GALNT2: variants seen among roughly 807,000 people sequenced by gnomAD.
The protein encoded by GALNT2 is UDP-GalNAc:polypeptide N-acetylgalactosaminyltransferase 2.
A neutral mutation model predicts 81.4 loss-of-function variants in GALNT2; 31 were observed. That is an observed-to-expected ratio of 0.38 (90% CI 0.29 to 0.51). The LOEUF (loss-of-function observed/expected upper bound fraction) is 0.51, where lower values mean the gene tolerates loss of function less well. Among genes scored for constraint, GALNT2 ranks in the 20% least tolerant of loss-of-function variants. The probability of loss-of-function intolerance (pLI) is 0.87; values close to 1 mark genes in which losing one functional copy is unlikely to be tolerated. For synonymous variants in GALNT2, 303 were observed against 287.4 expected, an observed-to-expected ratio of 1.05 and a Z score of -0.55; for missense variants, 629 against 765.7, an observed-to-expected ratio of 0.82 and a Z score of 2.11.
At chr1:230,083,208 GC>G (rs1659795185) in intron 1 of GALNT2, among the ~76,000 whole-genome samples, 1 of 147,850 alleles carries the variant, frequency 6.8e-6, no homozygotes, top group African/African-American at 2.5e-5. Context: ...GGATGATGGA[GC>G]GGGGGGGCCA....
intron 3 of GALNT2, among the ~76,000 whole-genome samples, chr1:230,222,300 A>C (rs1313266153): frequency 2.0e-5 from 3 of 151,756 alleles, no homozygotes; most frequent in Non-Finnish European, 4.4e-5. Flanking sequence ...TTTCTCTTTA[A>C]TGCATTCATG....
At chr1:230,164,591 T>C (rs1016590446) in intron 1 of GALNT2, among the ~76,000 whole-genome samples, 1 of 151,504 alleles carries the variant, frequency 6.6e-6, no homozygotes, top group Non-Finnish European at 1.5e-5. Context: ...TGGAGTCCAG[T>C]GGTGCGATCT....
chr1:230,188,920 A>C (rs1252933376), intron 2 of GALNT2, among the ~76,000 whole-genome samples: 1 of 152,106 alleles, frequency 6.6e-6, no homozygotes, highest in Non-Finnish European at 1.5e-5. Context: ...TTCTCCCTGT[A>C]ATTGTCTCTG....
intron 3 of GALNT2, among the ~76,000 whole-genome samples, chr1:230,232,970 A>C (rs190589767): frequency 1.1e-3 from 175 of 152,298 alleles, no homozygotes; most frequent in African/African-American, 4.0e-3. Context: ...AACTATAATA[A>C]AAGAAGCCCA....
rs1156759843 is a variant in GALNT2, at chr1:230,281,598, CT to C, written c.*2141del. 6.6e-6 allele frequency: 1 copy of C among 152,660 alleles called. No individual in the cohort carries two copies. The highest frequency in any genetic ancestry group is 2.4e-5 in the African/African-American group (1 of 41,472). The allele number at this position is 152,660 out of a possible 1,614,324, so 9.5% of individuals were successfully genotyped here. On this transcript the variant is annotated 3_prime_UTR_variant, in exon 16 of 16. Coordinates refer to ENST00000366672, the MANE Select transcript of GALNT2 (RefSeq NM_004481.5). Reference sequence around the variant, plus strand: ...CTTCACCTTTACCCCGCCCGCACCCCTAGGCCCTCTCAGCCTTCCTATCATC... The same window carrying C: ...CTTCACCTTTACCCCGCCCGCACCCCAGGCCCTCTCAGCCTTCCTATCATC...
Position 230,077,698 on chromosome 1 carries a change from A to G in GALNT2, c.126+10292A>G, listed in dbSNP as rs770217483. Among the ~76,000 whole-genome samples, 47 of 152,300 alleles carry G rather than the reference A, an allele frequency of 3.1e-4. 1 individual carries two copies. The highest frequency in any genetic ancestry group is 3.4e-3 in the Middle Eastern group (1 of 294). Reference sequence around the variant, plus strand: ...TCAGATGTTAGTGCCTATTTTCTTCAAACAGAGTCATCCACTGTGCCACCA... The same window carrying G: ...TCAGATGTTAGTGCCTATTTTCTTCGAACAGAGTCATCCACTGTGCCACCA... On this transcript the variant is annotated intron_variant, in intron 1 of 15. Coordinates refer to ENST00000366672, the MANE Select transcript of GALNT2 (RefSeq NM_004481.5).
chr1:230,092,320 A>T (rs1660117643), intron 1 of GALNT2, among the ~76,000 whole-genome samples: 1 of 151,538 alleles, frequency 6.6e-6, no homozygotes, highest in African/African-American at 2.4e-5. Flanking sequence ...CAGATGGCTA[A>T]TGTCATTCAT....
At chr1:230,270,798 C>T (rs990710007) in intron 14 of GALNT2, among the ~76,000 whole-genome samples, 9 of 152,116 alleles carry the variant, frequency 5.9e-5, no homozygotes, top group Admixed American at 2.0e-4. Context: ...AATGGCCATG[C>T]CTTTTAAGAG....
At chr1:230,208,063 T>TA (rs1334478832) in intron 3 of GALNT2, among the ~76,000 whole-genome samples, 2 of 152,170 alleles carry the variant, frequency 1.3e-5, no homozygotes, top group Non-Finnish European at 2.9e-5. Flanking sequence ...TTTCTCAATT[T>TA]AAAAAAATAA....
intron 1 of GALNT2, among the ~76,000 whole-genome samples, chr1:230,173,524 C>A (rs1344915863): frequency 2.6e-5 from 4 of 152,196 alleles, no homozygotes; most frequent in Non-Finnish European, 4.4e-5. Flanking sequence ...CCTGGGAAAT[C>A]AAAGCGGGCT....
Position 230,279,217 on chromosome 1 carries a change from C to A in GALNT2, c.1561-86C>A. On this transcript the variant is annotated intron_variant, in intron 15 of 15. Transcript: ENST00000366672. The surrounding 1 kb of genome is among the most constrained non-coding windows in gnomAD (Gnocchi z 4.6). ...CGTGTCTATCTGTGAGTTTTTAATG[C>A]AGCCACAAGGTCCTGAATTCACACG... The A allele has an allele frequency of 7.1e-7, 1 of 1,403,586 alleles. No individual in the cohort carries two copies. Among genetic ancestry groups the A allele is most frequent in the Middle Eastern group, 1.8e-4 (1 of 5,424 alleles). 86.9% of individuals were successfully genotyped at this position (1,403,586 alleles called of 1,614,324 possible). A position where few individuals can be genotyped will look rare whatever the true frequency, so the allele number is the denominator to read the frequency against.
intron 1 of GALNT2, among the ~76,000 whole-genome samples, chr1:230,120,799 G>C (rs1433863897): frequency 1.3e-5 from 2 of 152,124 alleles, no homozygotes; most frequent in South Asian, 2.1e-4. Context: ...GTGGCCCCAG[G>C]TCGTCACACA....
chr1:230,064,508 A>G (rs1659119055), upstream of GALNT2, among the ~76,000 whole-genome samples: 1 of 152,106 alleles, frequency 6.6e-6, no homozygotes, highest in African/African-American at 2.4e-5. Flanking sequence ...CTGGGTATAA[A>G]AATCACTGCC....
chr1:230,115,396 A>G (rs141375749), intron 1 of GALNT2, among the ~76,000 whole-genome samples: 1 of 152,362 alleles, frequency 6.6e-6, no homozygotes, highest in African/African-American at 2.4e-5. Context: ...TACGGCAGTA[A>G]AGCAAGTCAC....
At position 230,279,208 on chromosome 1, in the gene GALNT2, T is replaced by C. The variant is rs1376960744; in HGVS notation, c.1561-95T>C. On this transcript the variant is annotated intron_variant, in intron 15 of 15. Transcript: ENST00000366672. The surrounding 1 kb of genome is among the most constrained non-coding windows in gnomAD (Gnocchi z 4.6). ...TGGGAAAAACGTGTCTATCTGTGAG[T>C]TTTTAATGCAGCCACAAGGTCCTGA... is the stretch of plus-strand genomic sequence containing the variant. The C allele has an allele frequency of 1.3e-5, 18 of 1,351,782 alleles. No homozygotes were observed. Among genetic ancestry groups the C allele is most frequent in the Middle Eastern group, 1.9e-4 (1 of 5,336 alleles). 83.7% of individuals were successfully genotyped at this position (1,351,782 alleles called of 1,614,324 possible). A position where few individuals can be genotyped will look rare whatever the true frequency, so the allele number is the denominator to read the frequency against.
intron 3 of GALNT2, among the ~76,000 whole-genome samples, chr1:230,217,207 G>A (rs1486177899): frequency 5.3e-5 from 8 of 152,154 alleles, no homozygotes; most frequent in African/African-American, 1.4e-4. Context: ...AAAAAAAAGC[G>A]GTGGAGGTTA....
rs552662676 is a variant in GALNT2 at position 230,281,463 on chromosome 1, C to T, written c.*2005C>T. On this transcript the variant is annotated 3_prime_UTR_variant, in exon 16 of 16. Transcript: ENST00000366672. ...GCAGGGTGTGCGTAGCCCCCAGCAC[C>T]CAGGTTCTTCTGTCAGACCCTGTGA... 23 of 152,310 alleles carry T rather than the reference C, an allele frequency of 1.5e-4. No homozygotes were observed. Among genetic ancestry groups the T allele is most frequent in the African/African-American group, 5.5e-4 (23 of 41,542 alleles). The allele number at this position is 152,310 out of a possible 1,614,324, so 9.4% of individuals were successfully genotyped here. A position where few individuals can be genotyped will look rare whatever the true frequency, so the allele number is the denominator to read the frequency against.
rs563535233 is a variant in GALNT2, at chr1:230,136,277, G to A, written c.127-41941G>A. Among the ~76,000 whole-genome samples, 268 of 152,192 alleles carry A rather than the reference G, an allele frequency of 1.8e-3. 4 individuals carry two copies. Among genetic ancestry groups the A allele is most frequent in the African/African-American group, 5.6e-3 (232 of 41,514 alleles). ...TTTAGTGCCACGTTGATTGGGTCGC[G>A]CCTGATCATTTGCTTCTGGTCTGAC... On this transcript the variant is annotated intron_variant, in intron 1 of 15. Transcript: ENST00000366672.
chr1:230,218,405 T>C (rs1664451267), intron 3 of GALNT2, among the ~76,000 whole-genome samples: 1 of 152,248 alleles, frequency 6.6e-6, no homozygotes, highest in Non-Finnish European at 1.5e-5. Flanking sequence ...CTGCACGATC[T>C]TGGCGTGTCA....
Sources: gnomAD v4.1 joint callset for allele counts (sites outside exome capture counted in the v4.1 genomes callset) on GRCh38, gnomAD v4.1.1 for gene constraint, Gnocchi (gnomAD v3.1) non-coding constraint, MANE v1.5 for transcripts, NCBI Gene and HGNC (gene_info 2026-07-23, HGNC 2026-07-21) for gene names.